GRAMD1C: variants seen among roughly 807,000 people sequenced by gnomAD.
GRAMD1C encodes GRAM domain containing 1C, also known as protein Aster-C.
GRAMD1C carries 89 observed loss-of-function variants against 97.8 expected under a neutral mutation model. The observed-to-expected ratio is 0.91, with a 90% CI of 0.77 to 1.09. The LOEUF is 1.09. GRAMD1C is among the 50% of genes least tolerant of loss of function. GRAMD1C has a pLI of 0.00. For synonymous variants in GRAMD1C, 256 were observed against 267.0 expected (o/e 0.96, Z 0.40); for missense variants, 740 against 766.4 (o/e 0.97, Z 0.41).
chr3:113,835,151 A>T (rs1251126742), upstream of GRAMD1C, among the ~76,000 whole-genome samples: 1 of 152,166 alleles, frequency 6.6e-6, no homozygotes, highest in Non-Finnish European at 1.5e-5. Context: ...AGCTGTTTAC[A>T]TATTAGTGTG....
chr3:113,913,112 G>C, intron 9 of GRAMD1C: 1 of 1,285,314 alleles, frequency 7.8e-7, no homozygotes, highest in Admixed American at 2.3e-5. Flanking sequence ...CTGTTTACCT[G>C]AATTTAGGAC....
intron 6 of GRAMD1C, among the ~76,000 whole-genome samples, chr3:113,900,286 G>A (rs1057218228): frequency 6.6e-6 from 1 of 151,378 alleles, no homozygotes; most frequent in African/African-American, 2.4e-5. Context: ...TTGAACCTGG[G>A]AGGTGAAGGT....
chr3:113,927,145 G>A (rs897717896), intron 10 of GRAMD1C, among the ~76,000 whole-genome samples: 1 of 151,940 alleles, frequency 6.6e-6, no homozygotes, highest in African/African-American at 2.4e-5. Flanking sequence ...GTTTTGGGCT[G>A]TGATCTAGTA....
chr3:113,929,694 T>C (rs1937342613), intron 10 of GRAMD1C, among the ~76,000 whole-genome samples: 1 of 152,214 alleles, frequency 6.6e-6, no homozygotes, highest in Non-Finnish European at 1.5e-5. Context: ...ATAGACTCTA[T>C]GATTTGTGAT....
At chr3:113,912,924 GTTGTACTTA>G (rs1936657176) in intron 9 of GRAMD1C, 2 of 284,506 alleles carry the variant, frequency 7.0e-6, no homozygotes, top group African/African-American at 4.6e-5. Context: ...CTTGAGGCTT[GTTGTACTTA>G]TTAAGTAGGC....
intron 5 of GRAMD1C, among the ~76,000 whole-genome samples, chr3:113,881,872 C>G (rs986244113): frequency 6.6e-6 from 1 of 152,094 alleles, no homozygotes; most frequent in Admixed American, 6.6e-5. Flanking sequence ...TAATGTATAG[C>G]AAAGTTTCAA....
At chr3:113,841,342 G>A (rs1373393286) in intron 1 of GRAMD1C, among the ~76,000 whole-genome samples, 2 of 141,802 alleles carry the variant, frequency 1.4e-5, no homozygotes, top group Admixed American at 7.5e-5. Flanking sequence ...CTGGAGTGCA[G>A]TGGCACAATC....
Position 113,901,060 on chromosome 3 carries a change from G to T in GRAMD1C, c.570G>T (p.Leu190=), listed in dbSNP as rs1185393561. ...TGACTAGACAGGAATTCTGGCAACT[G>T]CTCCAGCAGAACTATGGCACTGAGC... The part of the protein sequence containing the change: ...KSLTRQEFWQ[L]LQQNYGTELG... Residue 190 remains leucine (L), a synonymous_variant, in exon 7 of 18, where the codon CTG becomes CTT. Transcript: ENST00000358160. 3 of 1,606,638 alleles carry T rather than the reference G, an allele frequency of 1.9e-6. No individual in the cohort carries two copies. The highest frequency in any genetic ancestry group is 2.6e-6 in the Non-Finnish European group (3 of 1,173,542).
chr3:113,922,248 T>C (rs1937086729), intron 10 of GRAMD1C, among the ~76,000 whole-genome samples: 2 of 151,980 alleles, frequency 1.3e-5, no homozygotes, highest in African/African-American at 4.8e-5. Context: ...ATTTTTATAT[T>C]TTTTTGTAGA....
At chr3:113,859,896 T>C (rs1426372995) in intron 2 of GRAMD1C, among the ~76,000 whole-genome samples, 1 of 152,220 alleles carries the variant, frequency 6.6e-6, no homozygotes, top group African/African-American at 2.4e-5. Context: ...GATTATTCTG[T>C]GAGGCCAGTA....
intron 4 of GRAMD1C, chr3:113,875,885 T>C (rs926284020): frequency 2.4e-6 from 1 of 412,950 alleles, no homozygotes; most frequent in Non-Finnish European, 4.3e-6. Context: ...CTGATTTTTG[T>C]TTGTGTGTTA....
At chr3:113,852,614 TA>T (rs1197515346) in intron 2 of GRAMD1C, among the ~76,000 whole-genome samples, 1 of 150,324 alleles carries the variant, frequency 6.7e-6, no homozygotes, top group African/African-American at 2.4e-5. Flanking sequence ...CCTAAGGGGT[TA>T]AAAAAAAAGA....
At chr3:113,880,635 T>C (rs1935219726) in intron 5 of GRAMD1C, among the ~76,000 whole-genome samples, 1 of 152,222 alleles carries the variant, frequency 6.6e-6, no homozygotes, top group South Asian at 2.1e-4. Context: ...GTTTCTCACA[T>C]ATGTATTGGA....
intron 2 of GRAMD1C, among the ~76,000 whole-genome samples, chr3:113,860,747 C>G (rs533133305): frequency 6.6e-6 from 1 of 152,020 alleles, no homozygotes; most frequent in African/African-American, 2.4e-5. Flanking sequence ...GGGCAGATCA[C>G]CTGAGGTCAG....
At chr3:113,837,209 C>A (rs1709647288), upstream of GRAMD1C, among the ~76,000 whole-genome samples, 2 of 151,620 alleles carry the variant, frequency 1.3e-5, no homozygotes, top group Non-Finnish European at 2.9e-5. Flanking sequence ...TGGACACAAG[C>A]AACCCTCCCA....
At chr3:113,912,604 A>C (rs776521979) in intron 9 of GRAMD1C, among the ~76,000 whole-genome samples, 2 of 152,072 alleles carry the variant, frequency 1.3e-5, no homozygotes, top group Non-Finnish European at 1.5e-5. Flanking sequence ...ATGGTGGTGC[A>C]TGCCTATAGT....
intron 6 of GRAMD1C, chr3:113,885,797 C>G (rs554717412): frequency 1.2e-6 from 2 of 1,609,450 alleles, no homozygotes; most frequent in East Asian, 2.2e-5. Flanking sequence ...AGTTGAGCAG[C>G]TACATCAAGG....
Position 113,942,384 on chromosome 3 carries a change from C to A in GRAMD1C, c.1908+2039C>A, listed in dbSNP as rs115489518. On this transcript the variant is annotated intron_variant, in intron 17 of 17. Transcript: ENST00000358160. ...AGAGAATTTCTTTAGTGTTTGGTAG[C>A]CCTTGCTTATCTTCTTGTGTGGATC... Among the ~76,000 whole-genome samples, 633 of 152,174 alleles carry A rather than the reference C, an allele frequency of 4.2e-3. 2 individuals carry two copies. Among genetic ancestry groups the A allele is most frequent in the African/African-American group, 0.014 (591 of 41,518 alleles).
intron 6 of GRAMD1C, among the ~76,000 whole-genome samples, chr3:113,892,445 C>T (rs772857479): frequency 6.6e-5 from 10 of 152,230 alleles, no homozygotes; most frequent in Non-Finnish European, 1.3e-4. Context: ...GCACTCCAGC[C>T]TGGGTGACAG....
Sources: gnomAD v4.1 joint callset for allele counts (sites outside exome capture counted in the v4.1 genomes callset) on GRCh38, gnomAD v4.1.1 for gene constraint, MANE v1.5 for transcripts, NCBI Gene and HGNC (gene_info 2026-07-23, HGNC 2026-07-21) for gene names.